RTL10: variants seen among roughly 807,000 people sequenced by gnomAD.
The protein encoded by RTL10 is retrotransposon Gag like 10.
For missense variants in RTL10, 477 were observed against 470.7 expected, an observed-to-expected ratio of 1.01 and a Z score of -0.12; for synonymous variants, 199 against 188.4, an observed-to-expected ratio of 1.06 and a Z score of -0.46.
rs372038860 is a variant in RTL10, at chr22:19,849,307, TGATA to T, written c.*1856_*1859del. ...CATCTGAACCCAGAGCCTTTTCTAGTGATAGTTACCATAAAATAATCCCAACAAT... is the reference window on the plus strand; with the variant it reads ...CATCTGAACCCAGAGCCTTTTCTAGTGTTACCATAAAATAATCCCAACAAT... On this transcript the variant is annotated 3_prime_UTR_variant, in exon 3 of 3. Coordinates refer to ENST00000328554, the MANE Select transcript of RTL10 (RefSeq NM_024627.6). The T allele has an allele frequency of 7.1e-6, 7 of 979,962 alleles. No individual in the cohort carries two copies. Among genetic ancestry groups the T allele is most frequent in the African/African-American group, 7.0e-5 (4 of 57,210 alleles). 60.7% of individuals were successfully genotyped at this position (979,962 alleles called of 1,614,324 possible).
Position 19,848,892 on chromosome 22 carries a change from G to A in RTL10, c.*2275C>T. On this transcript the variant is annotated 3_prime_UTR_variant, in exon 3 of 3. Coordinates refer to ENST00000328554, the MANE Select transcript of RTL10 (RefSeq NM_024627.6). ...GCCTGTCCAGAAGCCTGTGGGACAG[G>A]GTAAAGGTCAGCTGGGTGACTAGGC... is the stretch of plus-strand genomic sequence containing the variant. 1.0e-6 allele frequency: 1 copy of A among 985,398 alleles called. No individual in the cohort carries two copies. The allele number at this position is 985,398 out of a possible 1,614,324, so 61.0% of individuals were successfully genotyped here. A position where few individuals can be genotyped will look rare whatever the true frequency, so the allele number is the denominator to read the frequency against.
rs1439254325 is a variant in RTL10 at position 19,850,498 on chromosome 22, C to T, written c.*669G>A. On this transcript the variant is annotated 3_prime_UTR_variant, in exon 3 of 3. Transcript: ENST00000328554. ...AGTGTTAACACACAAAGGGCGAATG[C>T]CTGCAGCTGAGCCTGGCAAGGGGCT... 18 of 1,042,242 alleles carry T rather than the reference C, an allele frequency of 1.7e-5. No homozygotes were observed. Among genetic ancestry groups the T allele is most frequent in the Non-Finnish European group, 2.1e-5 (18 of 867,316 alleles). The allele number at this position is 1,042,242 out of a possible 1,614,324, so 64.6% of individuals were successfully genotyped here.
Position 19,849,703 on chromosome 22 carries a change from A to G in RTL10, c.*1464T>C, listed in dbSNP as rs1215464853. 1 of 985,252 alleles carries G rather than the reference A, an allele frequency of 1.0e-6. No homozygotes were observed. Among genetic ancestry groups the G allele is most frequent in the Non-Finnish European group, 1.2e-6 (1 of 829,880 alleles). 61.0% of individuals were successfully genotyped at this position (985,252 alleles called of 1,614,324 possible). ...AAGTTTAATCAGATGCTTGCTAATTAGTTTTTCCTAAAATAGTTGGCTGTA... is the reference window on the plus strand; with the variant it reads ...AAGTTTAATCAGATGCTTGCTAATTGGTTTTTCCTAAAATAGTTGGCTGTA... On this transcript the variant is annotated 3_prime_UTR_variant, in exon 3 of 3. Transcript: ENST00000328554.
chr22:19,851,454 G>T lies in RTL10; in HGVS notation c.808C>A (p.Pro270Thr), dbSNP rs1938095896. 1.9e-6 allele frequency: 3 copies of T among 1,614,096 alleles called. No homozygotes were observed. The East Asian group carries it at 6.7e-5, about 36-fold the overall frequency. ...TKESTPGPKE[P>T]PVLPSSTCSS... is the part of the protein sequence containing the mutation. ...CATGTAGAACTGGGCAGGACTGGGG[G>T]CTCCTTGGGCCCAGGGGTGCTCTCC... The change falls in exon 3 of 3, where the codon CCC becomes ACC. Residue 270 changes from proline (P) to threonine (T), a missense_variant. Pro to Thr is a conservative substitution (Grantham distance 38). Transcript: ENST00000328554.
At chr22:19,853,747 G>A (rs997227400) in intron 2 of RTL10, among the ~76,000 whole-genome samples, 90 of 151,996 alleles carry the variant, frequency 5.9e-4, no homozygotes, top group Admixed American at 5.4e-3. Context: ...TGAAAGCCCA[G>A]CCCATGACCC....
rs1441465694 is a variant in RTL10, at chr22:19,846,555, A to G, written c.*4612T>C. On this transcript the variant is annotated 3_prime_UTR_variant, in exon 3 of 3. Transcript: ENST00000328554. ...GGAACAGCAAAGACAAAACCAGAGA[A>G]GCCTATCGCGGGCACCGCTGTGGGC... The G allele has an allele frequency of 2.0e-6, 2 of 985,364 alleles. No homozygotes were observed. The highest frequency in any genetic ancestry group is 3.5e-5 in the African/African-American group (2 of 57,244). 61.0% of individuals were successfully genotyped at this position (985,364 alleles called of 1,614,324 possible).
chr22:19,850,103 A>G lies in RTL10; in HGVS notation c.*1064T>C. 2.0e-6 allele frequency: 2 copies of G among 984,982 alleles called. No homozygotes were observed. The highest frequency in any genetic ancestry group is 2.4e-6 in the Non-Finnish European group (2 of 829,934). The allele number at this position is 984,982 out of a possible 1,614,324, so 61.0% of individuals were successfully genotyped here. ...AGCCCCACCCAGCTTCTTTGATCAG[A>G]CCCTTGGACCCTCAAAGCCCCTGCC... On this transcript the variant is annotated 3_prime_UTR_variant, in exon 3 of 3. Coordinates refer to ENST00000328554, the MANE Select transcript of RTL10 (RefSeq NM_024627.6).
rs1937960364 is a variant in RTL10, at chr22:19,846,353, G to A, written c.*4814C>T. The A allele has an allele frequency of 3.3e-6, 3 of 917,812 alleles. No individual in the cohort carries two copies. Among genetic ancestry groups the A allele is most frequent in the South Asian group, 1.0e-4 (2 of 20,088 alleles). The allele number at this position is 917,812 out of a possible 1,614,324, so 56.9% of individuals were successfully genotyped here. ...TAATGCCTTTGTACCCCCCAGGTAG[G>A]GAAAGATTTCTTAAGTGAGAAACAG... is the stretch of plus-strand genomic sequence containing the variant. On this transcript the variant is annotated 3_prime_UTR_variant, in exon 3 of 3. Transcript: ENST00000328554.
chr22:19,853,394 T>G (rs1476446324), intron 2 of RTL10, among the ~76,000 whole-genome samples: 1 of 152,094 alleles, frequency 6.6e-6, no homozygotes, highest in Non-Finnish European at 1.5e-5. Flanking sequence ...TCTATTCCAG[T>G]GCAAGGAGCC....
Position 19,851,897 on chromosome 22 carries a change from C to T in RTL10, c.365G>A (p.Gly122Asp), listed in dbSNP as rs1157248844. ...CTCAAAGTGGAAGGACATGTAATCG[C>T]CCAGCTGGGCCAAGAAGCGGTCCAG... The part of the protein sequence containing the change: ...WLLDRFLAQL[G>D]DYMSFHFEHY... The change falls in exon 3 of 3, where the codon GGC becomes GAC. Residue 122 changes from glycine to aspartate, a missense_variant. By Grantham distance (94) the Gly-to-Asp change is moderately conservative. Coordinates refer to ENST00000328554, the MANE Select transcript of RTL10 (RefSeq NM_024627.6). 1 of 1,613,994 alleles carries T rather than the reference C, an allele frequency of 6.2e-7. No individual in the cohort carries two copies. The highest frequency in any genetic ancestry group is 8.5e-7 in the Non-Finnish European group (1 of 1,180,040).
chr22:19,848,432 ATCT>A lies in RTL10; in HGVS notation c.*2732_*2734del. On this transcript the variant is annotated 3_prime_UTR_variant, in exon 3 of 3. Coordinates refer to ENST00000328554, the MANE Select transcript of RTL10 (RefSeq NM_024627.6). The stretch of plus-strand genomic sequence containing the variant: ...CCAGCAGGAAAGCAGCTTGGTCATC[ATCT>A]GTCTGAAAGCAGGTGCTGCAGCAGC... 1 of 985,502 alleles carries A rather than the reference ATCT, an allele frequency of 1.0e-6. No homozygotes were observed. The highest frequency in any genetic ancestry group is 1.2e-6 in the Non-Finnish European group (1 of 829,980). The allele number at this position is 985,502 out of a possible 1,614,324, so 61.0% of individuals were successfully genotyped here.
rs9618710 is a variant in RTL10 at position 19,849,385 on chromosome 22, T to G, written c.*1782A>C. ...TTGTTTTTTGTTGTTTTTTTTTTTT[T>G]GGGATGGAGTTTCACTCTTGTTGTC... On this transcript the variant is annotated 3_prime_UTR_variant, in exon 3 of 3. Coordinates refer to ENST00000328554, the MANE Select transcript of RTL10 (RefSeq NM_024627.6). The G allele has an allele frequency of 0.14, 103,332 of 760,302 alleles. 3,968 individuals carry two copies. Among genetic ancestry groups the G allele is most frequent in the Middle Eastern group, 0.17 (250 of 1,488 alleles). 47.1% of individuals were successfully genotyped at this position (760,302 alleles called of 1,614,324 possible).
chr22:19,850,443 C>T lies in RTL10; in HGVS notation c.*724G>A. On this transcript the variant is annotated 3_prime_UTR_variant, in exon 3 of 3. Transcript: ENST00000328554. ...CACAGCAGCAGGGAAGAGGAGCCTGCTTCAGAACACCAGGCACGATTAGAG... is the reference window on the plus strand; with the variant it reads ...CACAGCAGCAGGGAAGAGGAGCCTGTTTCAGAACACCAGGCACGATTAGAG... The T allele has an allele frequency of 1.0e-6, 1 of 995,576 alleles. No individual in the cohort carries two copies. Among genetic ancestry groups the T allele is most frequent in the Non-Finnish European group, 1.2e-6 (1 of 837,094 alleles). 61.7% of individuals were successfully genotyped at this position (995,576 alleles called of 1,614,324 possible). A position where few individuals can be genotyped will look rare whatever the true frequency, so the allele number is the denominator to read the frequency against.
rs1418938728 is a variant in RTL10 at position 19,846,735 on chromosome 22, A to C, written c.*4432T>G. 2.8e-6 allele frequency: 1 copy of C among 355,696 alleles called. No homozygotes were observed. The highest frequency in any genetic ancestry group is 3.9e-6 in the Non-Finnish European group (1 of 254,280). The allele number at this position is 355,696 out of a possible 1,614,324, so 22.0% of individuals were successfully genotyped here. ...TAGTGAGCTTATGAGAGATTAGGAC[A>C]CAGACACAGACAGGGACACGGCAAG... is the stretch of plus-strand genomic sequence containing the variant. On this transcript the variant is annotated 3_prime_UTR_variant, in exon 3 of 3. Coordinates refer to ENST00000328554, the MANE Select transcript of RTL10 (RefSeq NM_024627.6).
chr22:19,851,543 G>T lies in RTL10; in HGVS notation c.719C>A (p.Thr240Asn). The change falls in exon 3 of 3, where the codon ACC becomes AAC. Residue 240 changes from threonine (T) to asparagine (N), a missense_variant. Thr to Asn is a moderately conservative substitution (Grantham distance 65). Coordinates refer to ENST00000328554, the MANE Select transcript of RTL10 (RefSeq NM_024627.6). ...APRSLPAAMA[T>N]PAVSGSNSVS... Reference sequence around the variant, plus strand: ...AGAGTTGGACCCAGACACAGCAGGGGTGGCCATGGCGGCTGGTAAAGACCT... The same window carrying T: ...AGAGTTGGACCCAGACACAGCAGGGTTGGCCATGGCGGCTGGTAAAGACCT... The T allele has an allele frequency of 6.2e-7, 1 of 1,613,636 alleles. No individual in the cohort carries two copies.
Position 19,847,942 on chromosome 22 carries a change from C to T in RTL10, c.*3225G>A, listed in dbSNP as rs888532933. 2.0e-6 allele frequency: 2 copies of T among 984,870 alleles called. No individual in the cohort carries two copies. Among genetic ancestry groups the T allele is most frequent in the Non-Finnish European group, 2.4e-6 (2 of 829,768 alleles). The allele number at this position is 984,870 out of a possible 1,614,324, so 61.0% of individuals were successfully genotyped here. ...ATGGCTTTACTATTTTCCAGAGGGC[C>T]AACTGCTTTTACTGAATAATCCATT... On this transcript the variant is annotated 3_prime_UTR_variant, in exon 3 of 3. Transcript: ENST00000328554.
rs927317848 is a variant in RTL10, at chr22:19,848,423, T to G, written c.*2744A>C. On this transcript the variant is annotated 3_prime_UTR_variant, in exon 3 of 3. Transcript: ENST00000328554. ...CTCCTTCCCCCAGCAGGAAAGCAGC[T>G]TGGTCATCATCTGTCTGAAAGCAGG... The G allele has an allele frequency of 2.0e-6, 2 of 985,378 alleles. No individual in the cohort carries two copies. The highest frequency in any genetic ancestry group is 3.5e-5 in the African/African-American group (2 of 57,232). 61.0% of individuals were successfully genotyped at this position (985,378 alleles called of 1,614,324 possible).
In RTL10 at chr22:19,851,331, CAGG is replaced by C. The variant is rs753013549; in HGVS notation, c.928_930del (p.Pro310del). 5 of 1,614,012 alleles carry C rather than the reference CAGG, an allele frequency of 3.1e-6. No individual in the cohort carries two copies. The highest frequency in any genetic ancestry group is 3.3e-5 in the Admixed American group (2 of 60,000). ...GGATGAGCTGGGTCTGGTCTCTGGG[CAGG>C]AGGATTAGCTGACTCCGACAGTCTA... is the stretch of plus-strand genomic sequence containing the variant. On this transcript the variant is annotated inframe_deletion, in exon 3 of 3. Coordinates refer to ENST00000328554, the MANE Select transcript of RTL10 (RefSeq NM_024627.6).
Position 19,849,568 on chromosome 22 carries a change from T to G in RTL10, c.*1599A>C, listed in dbSNP as rs890481512. 3.5e-5 allele frequency: 16 copies of G among 452,426 alleles called. No individual in the cohort carries two copies. Among genetic ancestry groups the G allele is most frequent in the Non-Finnish European group, 4.7e-5 (16 of 343,384 alleles). 28.0% of individuals were successfully genotyped at this position (452,426 alleles called of 1,614,324 possible). On this transcript the variant is annotated 3_prime_UTR_variant, in exon 3 of 3. Transcript: ENST00000328554. The stretch of plus-strand genomic sequence containing the variant: ...TTTTTAGGAGAGATGGATTTCTCCA[T>G]GCTGGTCAGGCTGGTCTTGAACTCC...
Sources: allele counts gnomAD v4.1 joint callset (sites outside exome capture counted in the v4.1 genomes callset), GRCh38; gene constraint gnomAD v4.1.1; transcripts MANE v1.5; gene names NCBI Gene and HGNC (gene_info 2026-07-23, HGNC 2026-07-21).